Variants in TMCC1 observed in about 807,000 individuals in gnomAD.
The protein encoded by TMCC1 is transmembrane and coiled-coil domain family 1.
TMCC1 carries 15 observed loss-of-function variants against 52.4 expected under a neutral mutation model. That is an observed-to-expected ratio of 0.29 (90% CI 0.19 to 0.44). The LOEUF (loss-of-function observed/expected upper bound fraction) is 0.44, where lower values mean the gene tolerates loss of function less well. Ranked by LOEUF, TMCC1 falls within the 20% of genes least tolerant of loss-of-function variation. The pLI, the probability that TMCC1 is intolerant of heterozygous loss-of-function variation, is 1.00. For missense variants in TMCC1, 503 were observed against 806.0 expected (o/e 0.62, Z 4.55); for synonymous variants, 279 against 301.9 (o/e 0.92, Z 0.79).
At position 129,824,923 on chromosome 3, in the gene TMCC1, GTTC is replaced by G. The variant is rs574932010; in HGVS notation, c.576+2877_576+2879del. On this transcript the variant is annotated intron_variant, in intron 4 of 6. Transcript: ENST00000393238. Reference sequence around the variant, plus strand: ...CTAACATTGTTATCAAATCCTACCTGTTCTTCTATTGTCCATTCCACTTCCACA... The same window carrying G: ...CTAACATTGTTATCAAATCCTACCTGTTCTATTGTCCATTCCACTTCCACA... 6.6e-5 allele frequency among the ~76,000 whole-genome samples: 10 copies of G among 152,252 alleles called. No homozygotes were observed. The South Asian group carries it at 2.1e-3, about 32-fold the overall frequency.
At chr3:129,729,083 A>G (rs539621364) in intron 4 of TMCC1, among the ~76,000 whole-genome samples, 1 of 152,176 alleles carries the variant, frequency 6.6e-6, no homozygotes, top group Admixed American at 6.5e-5. Flanking sequence ...TTAAATACCT[A>G]GGCATGGATT....
chr3:129,879,846 T>A (rs1033357656), intron 2 of TMCC1, among the ~76,000 whole-genome samples: 5 of 152,120 alleles, frequency 3.3e-5, no homozygotes, highest in Admixed American at 6.5e-5. Flanking sequence ...CAAATTCAGT[T>A]TACCCAAGTC....
intron 2 of TMCC1, among the ~76,000 whole-genome samples, chr3:129,878,465 T>G (rs1426543691): frequency 6.6e-6 from 1 of 152,344 alleles, no homozygotes; most frequent in South Asian, 2.1e-4. Flanking sequence ...CAAAACCTGC[T>G]GACTCTACTT....
intron 4 of TMCC1, among the ~76,000 whole-genome samples, chr3:129,774,910 G>A (rs2054904650): frequency 6.6e-6 from 1 of 152,132 alleles, no homozygotes; most frequent in Admixed American, 6.6e-5. Flanking sequence ...TTATCCTAAG[G>A]GAGGTAATGA....
chr3:129,766,517 CATG>C (rs1453038385), intron 4 of TMCC1, among the ~76,000 whole-genome samples: 10 of 152,268 alleles, frequency 6.6e-5, no homozygotes, highest in South Asian at 2.1e-4. Context: ...ATGCCTAGCA[CATG>C]ATAAGCAATT....
intron 1 of TMCC1, among the ~76,000 whole-genome samples, chr3:129,883,875 TAAAAA>T (rs1331004484): frequency 6.6e-6 from 1 of 151,110 alleles, no homozygotes; most frequent in African/African-American, 2.4e-5. Flanking sequence ...AAAATTAAAT[TAAAAA>T]AAGAAAAAAT....
intron 4 of TMCC1, among the ~76,000 whole-genome samples, chr3:129,748,321 C>G (rs886891156): frequency 6.6e-6 from 1 of 152,138 alleles, no homozygotes; most frequent in East Asian, 1.9e-4. Flanking sequence ...GAGAGGGAGT[C>G]TCGCTCTGTA....
chr3:129,733,602 TGGA>T (rs1349536424), intron 4 of TMCC1, among the ~76,000 whole-genome samples: 1 of 152,164 alleles, frequency 6.6e-6, no homozygotes, highest in East Asian at 1.9e-4. Flanking sequence ...AGGAAAAATT[TGGA>T]AAGTGGAAAT....
chr3:129,703,741 G>A (rs73866111), intron 4 of TMCC1, among the ~76,000 whole-genome samples: 2,360 of 152,254 alleles, frequency 0.016, 47 homozygotes, highest in African/African-American at 0.055. Context: ...AAATACTGTT[G>A]AATGAGTGAA....
chr3:129,774,940 T>C (rs1288511842), intron 4 of TMCC1, among the ~76,000 whole-genome samples: 3 of 152,032 alleles, frequency 2.0e-5, no homozygotes, highest in Non-Finnish European at 4.4e-5. Flanking sequence ...AGCAGAAAAA[T>C]GCCATAATTA....
intron 4 of TMCC1, among the ~76,000 whole-genome samples, chr3:129,821,213 T>C (rs2058402523): frequency 6.6e-6 from 1 of 152,196 alleles, no homozygotes; most frequent in Non-Finnish European, 1.5e-5. Context: ...ATCTGTGCTG[T>C]AGATGTGTAG....
At chr3:129,680,099 C>T (rs2096806603) in intron 4 of TMCC1, among the ~76,000 whole-genome samples, 1 of 152,164 alleles carries the variant, frequency 6.6e-6, no homozygotes, top group South Asian at 2.1e-4. Context: ...CATTTATACT[C>T]TTGCATGAAT....
chr3:129,683,105 G>C (rs1011580821), intron 4 of TMCC1, among the ~76,000 whole-genome samples: 1 of 152,238 alleles, frequency 6.6e-6, no homozygotes, highest in Non-Finnish European at 1.5e-5. Flanking sequence ...AAAGTGCTGG[G>C]ATTACAGGCA....
intron 4 of TMCC1, among the ~76,000 whole-genome samples, chr3:129,749,755 C>T (rs2052326520): frequency 6.6e-6 from 1 of 152,116 alleles, no homozygotes; most frequent in Non-Finnish European, 1.5e-5. Flanking sequence ...ACATAAAATA[C>T]TTTATTGTGA....
chr3:129,703,274 T>C (rs1291371295), intron 4 of TMCC1, among the ~76,000 whole-genome samples: 2 of 152,228 alleles, frequency 1.3e-5, no homozygotes, highest in East Asian at 3.8e-4. Context: ...ATGATAGATA[T>C]TAACTGGCTA....
intron 2 of TMCC1, among the ~76,000 whole-genome samples, chr3:129,877,379 TC>T (rs1353613858): frequency 6.6e-6 from 1 of 152,164 alleles, no homozygotes; most frequent in Non-Finnish European, 1.5e-5. Context: ...ATCTTAACTC[TC>T]CAGCCACTGC....
At chr3:129,883,017 G>A (rs1391139310) in intron 1 of TMCC1, among the ~76,000 whole-genome samples, 1 of 152,132 alleles carries the variant, frequency 6.6e-6, no homozygotes, top group Non-Finnish European at 1.5e-5. Flanking sequence ...AGCCAGGCGT[G>A]GTGGTTTATG....
intron 1 of TMCC1, among the ~76,000 whole-genome samples, chr3:129,886,101 C>A (rs1237165462): frequency 1.3e-5 from 2 of 152,142 alleles, no homozygotes; most frequent in African/African-American, 2.4e-5. Flanking sequence ...CACTAGCAGA[C>A]CTCATAACCC....
rs909451656 is a variant in TMCC1 at position 129,650,169 on chromosome 3, TAAC to T, written c.*1309_*1311del. On this transcript the variant is annotated 3_prime_UTR_variant, in exon 7 of 7. Transcript: ENST00000393238. ...TCACTTTGGTTGTAATTAGGGGTGTTAACAAAATAAATTAAGGAAACACAAGGA... is the reference window on the plus strand; with the variant it reads ...TCACTTTGGTTGTAATTAGGGGTGTTAAAATAAATTAAGGAAACACAAGGA... The T allele has an allele frequency of 7.2e-5, 11 of 151,918 alleles. 1 individual carries two copies. 9.4% of individuals were successfully genotyped at this position (151,918 alleles called of 1,614,324 possible). A position where few individuals can be genotyped will look rare whatever the true frequency, so the allele number is the denominator to read the frequency against.
Sources: allele counts gnomAD v4.1 joint callset (sites outside exome capture counted in the v4.1 genomes callset), GRCh38; gene constraint gnomAD v4.1.1; transcripts MANE v1.5; gene names NCBI Gene and HGNC (gene_info 2026-07-23, HGNC 2026-07-21).